The following ZBTB7C variants were observed in gnomAD, a reference collection of about 807,000 sequenced individuals.
The protein encoded by ZBTB7C is zinc finger and BTB domain-containing protein 7C.
Under a neutral mutation model 25.7 loss-of-function variants are expected in ZBTB7C, and 8 were observed. The ratio of observed to expected loss-of-function variants is 0.31; its 90% CI spans 0.18 to 0.56. The LOEUF is 0.56. Ranked by LOEUF, ZBTB7C falls within the 20% of genes least tolerant of loss-of-function variation. The pLI is 0.91. For synonymous variants in ZBTB7C, 394 were observed against 369.0 expected (o/e 1.07, Z -0.78); for missense variants, 824 against 855.2 (o/e 0.96, Z 0.46).
chr18:48,187,639 C>A (rs1277052632), intron 2 of ZBTB7C, among the ~76,000 whole-genome samples: 2 of 151,934 alleles, frequency 1.3e-5, no homozygotes. Context: ...CGGTGAAACC[C>A]CGTCTCTACT....
At chr18:48,320,847 C>T (rs2046074228) in intron 2 of ZBTB7C, among the ~76,000 whole-genome samples, 1 of 152,178 alleles carries the variant, frequency 6.6e-6, no homozygotes, top group Non-Finnish European at 1.5e-5. Context: ...GCCAGCCTGA[C>T]CAGAAACCCT....
At chr18:48,058,370 T>TTGTGG (rs939594670) in intron 3 of ZBTB7C, among the ~76,000 whole-genome samples, 7 of 152,200 alleles carry the variant, frequency 4.6e-5, no homozygotes, top group Admixed American at 3.9e-4. Flanking sequence ...AGTCTGCCTT[T>TTGTGG]TGTGGTCCCC....
chr18:48,177,020 C>T (rs1004761553), intron 3 of ZBTB7C, among the ~76,000 whole-genome samples: 1 of 152,272 alleles, frequency 6.6e-6, no homozygotes. Flanking sequence ...CCTGCAAGAA[C>T]TTGGCCCAGG....
intron 2 of ZBTB7C, among the ~76,000 whole-genome samples, chr18:48,192,966 A>T (rs894507039): frequency 1.1e-4 from 12 of 109,702 alleles, no homozygotes; most frequent in Admixed American, 8.0e-4. Context: ...TTTCTTAATT[A>T]AAAAAAAATC....
chr18:48,042,660 G>A (rs981315670), intron 3 of ZBTB7C, among the ~76,000 whole-genome samples: 1 of 152,182 alleles, frequency 6.6e-6, no homozygotes, highest in Non-Finnish European at 1.5e-5. Context: ...CCTCCACCAT[G>A]GGGCAGCCCA....
intron 4 of ZBTB7C, among the ~76,000 whole-genome samples, chr18:48,035,764 C>T (rs916680147): frequency 6.6e-6 from 1 of 152,256 alleles, no homozygotes; most frequent in Admixed American, 6.5e-5. Context: ...GGCATCACCT[C>T]TGGCCGAAGC....
At chr18:48,142,663 T>G (rs994040635) in intron 3 of ZBTB7C, among the ~76,000 whole-genome samples, 2 of 150,910 alleles carry the variant, frequency 1.3e-5, no homozygotes, top group African/African-American at 2.4e-5. Flanking sequence ...TGGGGAGGAG[T>G]TGGGGTGGCT....
intron 1 of ZBTB7C, among the ~76,000 whole-genome samples, chr18:48,395,688 C>T (rs545515646): frequency 1.8e-3 from 267 of 152,254 alleles, no homozygotes; most frequent in African/African-American, 6.1e-3. Flanking sequence ...GGGGCAGAGT[C>T]CCCATACAAA....
intron 1 of ZBTB7C, among the ~76,000 whole-genome samples, chr18:48,362,861 A>G (rs1196466582): frequency 2.0e-5 from 3 of 152,164 alleles, no homozygotes. Context: ...ACGACCCACA[A>G]ATATTTACCA....
At chr18:48,095,361 A>G (rs1170557649) in intron 3 of ZBTB7C, among the ~76,000 whole-genome samples, 1 of 152,172 alleles carries the variant, frequency 6.6e-6, no homozygotes, top group Non-Finnish European at 1.5e-5. Context: ...CAAGCTGCCT[A>G]TTTGAGAGGA....
intron 1 of ZBTB7C, among the ~76,000 whole-genome samples, chr18:48,383,715 T>C (rs1249192717): frequency 2.6e-5 from 4 of 152,144 alleles, no homozygotes; most frequent in Non-Finnish European, 5.9e-5. Flanking sequence ...GGCACCTGAG[T>C]CTGGCACGTT....
At chr18:48,309,160 A>G (rs1487107576) in intron 2 of ZBTB7C, among the ~76,000 whole-genome samples, 1 of 152,210 alleles carries the variant, frequency 6.6e-6, no homozygotes, top group Non-Finnish European at 1.5e-5. Context: ...TGCTGGAAAA[A>G]TACTCTTTAA....
At chr18:48,408,854 C>CCGCGGTGCCAGCCAGGAGG (rs1349379474) in intron 1 of ZBTB7C, among the ~76,000 whole-genome samples, 48 of 151,414 alleles carry the variant, frequency 3.2e-4, no homozygotes, top group Non-Finnish European at 6.5e-4. Flanking sequence ...TCGCTCCGGG[C>CCGCGGTGCCAGCCAGGAGG]CGCGGTGCCA....
At chr18:48,182,975 TA>T (rs1447781362) in intron 3 of ZBTB7C, among the ~76,000 whole-genome samples, 1 of 152,194 alleles carries the variant, frequency 6.6e-6, no homozygotes, top group East Asian at 1.9e-4. Context: ...TTGCTTTAAA[TA>T]ATAATTATTA....
At chr18:48,118,725 G>C (rs889245604) in intron 3 of ZBTB7C, among the ~76,000 whole-genome samples, 6 of 152,188 alleles carry the variant, frequency 3.9e-5, no homozygotes, top group African/African-American at 9.7e-5. Context: ...TTCTATGAGT[G>C]ATTAGGAAAT....
At chr18:48,226,138 C>G (rs1483703637) in intron 2 of ZBTB7C, among the ~76,000 whole-genome samples, 2 of 152,224 alleles carry the variant, frequency 1.3e-5, no homozygotes, top group Non-Finnish European at 2.9e-5. Flanking sequence ...GCAAACCCAA[C>G]CAACCCATGT....
chr18:48,129,977 C>T (rs1347751579), intron 3 of ZBTB7C, among the ~76,000 whole-genome samples: 1 of 152,184 alleles, frequency 6.6e-6, no homozygotes, highest in Non-Finnish European at 1.5e-5. Flanking sequence ...AGGGCGGTCT[C>T]TGGCTGAGAC....
chr18:48,158,349 C>T lies in ZBTB7C; in HGVS notation c.-17+27585G>A, dbSNP rs115085104. On this transcript the variant is annotated intron_variant, in intron 3 of 4. Transcript: ENST00000590800. ...CGCAGGCTACAGGATGACCATGGGT[C>T]GGAATGATGCTTCCCAAAGCCACCG... 6.0e-3 allele frequency among the ~76,000 whole-genome samples: 908 copies of T among 152,278 alleles called. 12 individuals carry two copies. Among genetic ancestry groups the T allele is most frequent in the African/African-American group, 0.02 (823 of 41,564 alleles).
chr18:48,153,307 C>T (rs2040735017), intron 3 of ZBTB7C, among the ~76,000 whole-genome samples: 1 of 152,164 alleles, frequency 6.6e-6, no homozygotes, highest in South Asian at 2.1e-4. Context: ...TTAGCATGCC[C>T]ATTTTACAGA....
Sources: gnomAD v4.1 joint callset for allele counts (sites outside exome capture counted in the v4.1 genomes callset) on GRCh38, gnomAD v4.1.1 for gene constraint, MANE v1.5 for transcripts, NCBI Gene and HGNC (gene_info 2026-07-23, HGNC 2026-07-21) for gene names.